Variants in CACNA2D3 observed in about 807,000 individuals in gnomAD.
CACNA2D3 encodes voltage-dependent calcium channel subunit alpha-2/delta-3.
A neutral mutation model predicts 160.6 loss-of-function variants in CACNA2D3; 60 were observed. The observed-to-expected ratio is 0.37, with a 90% CI of 0.30 to 0.46. The LOEUF is 0.46. Among genes scored for constraint, CACNA2D3 ranks in the 20% least tolerant of loss-of-function variants. CACNA2D3 has a pLI of 1.00. For synonymous variants in CACNA2D3, 558 were observed against 492.9 expected (o/e 1.13, Z -1.75); for missense variants, 1,205 against 1,365.0 (o/e 0.88, Z 1.85).
intron 12 of CACNA2D3, among the ~76,000 whole-genome samples, chr3:54,753,498 G>C (rs1048820129): frequency 1.3e-5 from 2 of 152,138 alleles, no homozygotes; most frequent in African/African-American, 2.4e-5. Context: ...CATCAGCCTG[G>C]GTCCCTGAGT....
At chr3:54,399,444 T>C (rs1699407115) in intron 4 of CACNA2D3, among the ~76,000 whole-genome samples, 1 of 4,382 alleles carries the variant, frequency 2.3e-4, no homozygotes, top group South Asian at 3.6e-3. Context: ...CCCATCTTTG[T>C]GGTTTTATCT....
chr3:54,436,834 G>A (rs1470403806), intron 4 of CACNA2D3, among the ~76,000 whole-genome samples: 2 of 152,112 alleles, frequency 1.3e-5, no homozygotes, highest in African/African-American at 2.4e-5. Flanking sequence ...GGCATGCGGG[G>A]CTTAAAACCT....
chr3:54,915,437 G>T (rs1700640943), intron 27 of CACNA2D3, among the ~76,000 whole-genome samples: 1 of 152,148 alleles, frequency 6.6e-6, no homozygotes, highest in Admixed American at 6.5e-5. Flanking sequence ...CACTAAACGT[G>T]ATTTTTGTCC....
At position 54,450,949 on chromosome 3, in the gene CACNA2D3, C is replaced by A. The variant is rs370670649; in HGVS notation, c.382-52543C>A. ...CTGCTTTTGAAATACAATGGTGGAA[C>A]TGGCATAGGATAGACATTCCTACTC... On this transcript the variant is annotated intron_variant, in intron 4 of 37. Coordinates refer to ENST00000474759, the MANE Select transcript of CACNA2D3 (RefSeq NM_018398.3). Among the ~76,000 whole-genome samples, 333 of 152,210 alleles carry A rather than the reference C, an allele frequency of 2.2e-3. 1 individual carries two copies. The highest frequency in any genetic ancestry group is 7.5e-3 in the African/African-American group (311 of 41,552).
At chr3:54,815,455 G>A (rs562165980) in intron 13 of CACNA2D3, among the ~76,000 whole-genome samples, 1 of 152,312 alleles carries the variant, frequency 6.6e-6, no homozygotes, top group Admixed American at 6.5e-5. Context: ...AGAAGAGAAA[G>A]CATTCTTCCC....
chr3:54,497,174 T>C (rs1027746590), intron 4 of CACNA2D3, among the ~76,000 whole-genome samples: 2 of 152,066 alleles, frequency 1.3e-5, no homozygotes, highest in Non-Finnish European at 2.9e-5. Flanking sequence ...TGGGAGTTCA[T>C]TGAATTTGTA....
At chr3:54,276,434 G>A (rs563335591) in intron 2 of CACNA2D3, among the ~76,000 whole-genome samples, 5 of 152,162 alleles carry the variant, frequency 3.3e-5, no homozygotes, top group Admixed American at 1.3e-4. Flanking sequence ...TTAGCCAGGC[G>A]TGGTGGCATA....
rs550944458 is a variant in CACNA2D3, at chr3:54,700,646, T to A, written c.1168-51953T>A. 3.3e-5 allele frequency among the ~76,000 whole-genome samples: 5 copies of A among 152,348 alleles called. No homozygotes were observed. In the East Asian group the frequency reaches 5.8e-4, roughly 18 times the overall value. On this transcript the variant is annotated intron_variant, in intron 11 of 37. Coordinates refer to ENST00000474759, the MANE Select transcript of CACNA2D3 (RefSeq NM_018398.3). ...TGGTTATAGCCTTAGAATTTTATAA[T>A]TTATGAGACTTGAATCAATAACCAG...
intron 2 of CACNA2D3, among the ~76,000 whole-genome samples, chr3:54,248,267 G>A (rs1702119995): frequency 6.6e-6 from 1 of 152,044 alleles, no homozygotes; most frequent in South Asian, 2.1e-4. Context: ...GATCTCCTGA[G>A]GTCAGGAGTT....
chr3:54,828,332 C>T (rs2106739789), intron 14 of CACNA2D3, among the ~76,000 whole-genome samples: 1 of 152,232 alleles, frequency 6.6e-6, no homozygotes, highest in South Asian at 2.1e-4. Context: ...TGTCATTAGT[C>T]CTGGGCATTC....
chr3:54,803,289 G>C (rs1044305816), intron 13 of CACNA2D3, among the ~76,000 whole-genome samples: 2 of 152,048 alleles, frequency 1.3e-5, no homozygotes, highest in Admixed American at 6.5e-5. Flanking sequence ...TCAAACCAAA[G>C]GCAAAGAAGT....
rs548079818 is a variant in CACNA2D3, at chr3:54,385,557, G to A, written c.322-1158G>A. 2.0e-5 allele frequency among the ~76,000 whole-genome samples: 3 copies of A among 152,290 alleles called. No individual in the cohort carries two copies. The East Asian group carries it at 5.8e-4, about 29-fold the overall frequency. ...CTTCCCAAATCTCTGTCTGTGGGCA[G>A]CACTGTCTCTGGCTGGCCTGTCTCT... On this transcript the variant is annotated intron_variant, in intron 3 of 37. Coordinates refer to ENST00000474759, the MANE Select transcript of CACNA2D3 (RefSeq NM_018398.3).
intron 13 of CACNA2D3, among the ~76,000 whole-genome samples, chr3:54,787,630 G>A (rs1398661565): frequency 6.6e-6 from 1 of 152,192 alleles, no homozygotes. Context: ...TTTTAACAAA[G>A]GGTAATAAAT....
At chr3:54,393,743 G>C (rs992044854) in intron 4 of CACNA2D3, among the ~76,000 whole-genome samples, 1 of 152,198 alleles carries the variant, frequency 6.6e-6, no homozygotes, top group Admixed American at 6.5e-5. Context: ...ACACATCCCT[G>C]GGCTGATCTG....
intron 4 of CACNA2D3, among the ~76,000 whole-genome samples, chr3:54,400,347 C>G (rs1699431893): frequency 6.6e-6 from 1 of 151,964 alleles, no homozygotes; most frequent in Non-Finnish European, 1.5e-5. Context: ...CACCTTAGAA[C>G]TCAGGTGCCA....
chr3:54,782,741 T>C (rs1237158017), intron 13 of CACNA2D3, among the ~76,000 whole-genome samples: 3 of 152,060 alleles, frequency 2.0e-5, no homozygotes, highest in Non-Finnish European at 4.4e-5. Flanking sequence ...TCTCCTTGTC[T>C]CAAAAGACTT....
intron 3 of CACNA2D3, among the ~76,000 whole-genome samples, chr3:54,326,855 C>T (rs1704130821): frequency 6.6e-6 from 1 of 152,076 alleles, no homozygotes; most frequent in African/African-American, 2.4e-5. Context: ...ACATTTGTTT[C>T]AGAAAAAAAT....
intron 5 of CACNA2D3, among the ~76,000 whole-genome samples, chr3:54,553,692 C>A (rs1413262554): frequency 1.3e-5 from 2 of 152,106 alleles, no homozygotes; most frequent in African/African-American, 2.4e-5. Flanking sequence ...TAGAAAATGG[C>A]AAGTTTAAAT....
Position 54,948,446 on chromosome 3 carries a change from T to C in CACNA2D3, c.2450-20004T>C, listed in dbSNP as rs149257350. On this transcript the variant is annotated intron_variant, in intron 27 of 37. Coordinates refer to ENST00000474759, the MANE Select transcript of CACNA2D3 (RefSeq NM_018398.3). ...TTTGCCTTCTTCATTGTCCAGAACT[T>C]GGTTACTAAGAGCAGTTCAATGGCC... 3.2e-3 allele frequency among the ~76,000 whole-genome samples: 485 copies of C among 152,308 alleles called. 3 individuals are homozygous for C. Among genetic ancestry groups the C allele is most frequent in the African/African-American group, 0.011 (462 of 41,574 alleles).
Sources: gnomAD v4.1 joint callset for allele counts (sites outside exome capture counted in the v4.1 genomes callset) on GRCh38, gnomAD v4.1.1 for gene constraint, MANE v1.5 for transcripts, NCBI Gene and HGNC (gene_info 2026-07-23, HGNC 2026-07-21) for gene names.